The following GRIA3 variants were observed in gnomAD, a reference collection of about 807,000 sequenced individuals.
GRIA3 encodes glutamate ionotropic receptor AMPA type subunit 3, also known as glutamate receptor 3.
A neutral mutation model predicts 63.0 loss-of-function variants in GRIA3; 3 were observed. The observed-to-expected ratio is 0.05, with a 90% CI of 0.02 to 0.12. The LOEUF is 0.12. Among genes scored for constraint, GRIA3 ranks in the 10% least tolerant of loss-of-function variants. The pLI is 1.00. For synonymous variants in GRIA3, 274 were observed against 257.9 expected (o/e 1.06, Z -0.60); for missense variants, 347 against 700.9 (o/e 0.50, Z 5.70).
At chrX:123,300,088 T>G (rs921053458) in intron 3 of GRIA3, among the ~76,000 whole-genome samples, 2 of 111,329 alleles carry the variant, frequency 1.8e-5, no homozygotes, top group African/African-American at 6.5e-5. Flanking sequence ...AACTTGATCA[T>G]GATGGATTAG....
At chrX:123,421,564 C>A (rs936048348) in intron 11 of GRIA3, among the ~76,000 whole-genome samples, 1 of 112,545 alleles carries the variant, frequency 8.9e-6, no homozygotes, top group South Asian at 3.6e-4. Context: ...ATGCATTATA[C>A]ACTCTGACTT....
At chrX:123,338,202 G>A (rs1325538891) in intron 4 of GRIA3, among the ~76,000 whole-genome samples, 2 of 112,283 alleles carry the variant, frequency 1.8e-5, no homozygotes, top group Non-Finnish European at 3.8e-5. Context: ...AATGTTGTCC[G>A]TGTTTCCTTC....
At chrX:123,271,074 T>C (rs2044518543) in intron 3 of GRIA3, among the ~76,000 whole-genome samples, 1 of 112,049 alleles carries the variant, frequency 8.9e-6, no homozygotes. Context: ...CATAATTTCT[T>C]ATAGCTGCTG....
chrX:123,465,904 T>C, intron 13 of GRIA3: 2 of 602,300 alleles, frequency 3.3e-6, no homozygotes, highest in Non-Finnish European at 5.6e-6. Flanking sequence ...ATGACCAGGT[T>C]ATTCCCCTGC....
At chrX:123,229,499 C>T (rs988614946) in intron 2 of GRIA3, among the ~76,000 whole-genome samples, 36 of 111,942 alleles carry the variant, frequency 3.2e-4, no homozygotes, top group African/African-American at 1.1e-3. Flanking sequence ...TTAGGAAATG[C>T]AATGTGCTCG....
chrX:123,323,780 C>T (rs1199169066), intron 3 of GRIA3, among the ~76,000 whole-genome samples: 1 of 112,141 alleles, frequency 8.9e-6, no homozygotes, highest in Non-Finnish European at 1.9e-5. Context: ...AATCTTGATA[C>T]ACGGATGGTG....
intron 3 of GRIA3, among the ~76,000 whole-genome samples, chrX:123,276,068 AC>A (rs1308667163): frequency 1.8e-5 from 2 of 112,124 alleles, no homozygotes; most frequent in Admixed American, 1.9e-4. Context: ...AAAATGACTT[AC>A]CTAGGGTCAC....
At position 123,234,394 on chromosome X, in the gene GRIA3, C is replaced by T. The variant is rs183105773; in HGVS notation, c.269-18909C>T. On this transcript the variant is annotated intron_variant, in intron 2 of 15. Transcript: ENST00000620443. Reference sequence around the variant, plus strand: ...TACCCTGAAAAGATTTGTACTTTCTCTCTTGGAATCCATTTCACAAATGTT... The same window carrying T: ...TACCCTGAAAAGATTTGTACTTTCTTTCTTGGAATCCATTTCACAAATGTT... Among the ~76,000 whole-genome samples the T allele has an allele frequency of 5.4e-5, 6 of 112,126 alleles. No individual in the cohort carries two copies. In the East Asian group the frequency reaches 1.7e-3, roughly 31 times the overall value.
chrX:123,365,738 G>A (rs1319470911), intron 5 of GRIA3, among the ~76,000 whole-genome samples: 1 of 111,489 alleles, frequency 9.0e-6, no homozygotes, highest in Non-Finnish European at 1.9e-5. Flanking sequence ...CTCATACTCC[G>A]TAAGTCTAAA....
intron 3 of GRIA3, among the ~76,000 whole-genome samples, chrX:123,310,666 T>C (rs2044784111): frequency 8.9e-6 from 1 of 112,843 alleles, no homozygotes; most frequent in Admixed American, 9.4e-5. Flanking sequence ...CATATTATCT[T>C]TCCTTTTTTT....
At chrX:123,323,366 G>A (rs1247729887) in intron 3 of GRIA3, among the ~76,000 whole-genome samples, 1 of 109,017 alleles carries the variant, frequency 9.2e-6, no homozygotes, top group Non-Finnish European at 2.0e-5. Flanking sequence ...TATATAGATT[G>A]AGCTGTCTTT....
chrX:123,327,666 G>T (rs964144254), intron 4 of GRIA3, among the ~76,000 whole-genome samples: 1 of 111,036 alleles, frequency 9.0e-6, no homozygotes, highest in Non-Finnish European at 1.9e-5. Context: ...GAGGGAAACT[G>T]CTGACTCTAT....
At chrX:123,388,859 A>G (rs2045368263) in intron 5 of GRIA3, among the ~76,000 whole-genome samples, 1 of 111,833 alleles carries the variant, frequency 8.9e-6, no homozygotes. Flanking sequence ...AGTTATTTCT[A>G]TAAACTTCCC....
chrX:123,442,833 CTTT>C (rs11349023), intron 12 of GRIA3, among the ~76,000 whole-genome samples: 2 of 98,859 alleles, frequency 2.0e-5, no homozygotes, highest in African/African-American at 3.6e-5. Context: ...TTCTGCTTTG[CTTT>C]TTTTTTTTTT....
intron 2 of GRIA3, among the ~76,000 whole-genome samples, chrX:123,211,146 T>C (rs1928032070): frequency 9.0e-6 from 1 of 111,478 alleles, no homozygotes; most frequent in Admixed American, 9.5e-5. Flanking sequence ...CCCTTGTATA[T>C]CTCTGAGAAA....
chrX:123,223,080 G>A (rs894887240), intron 2 of GRIA3, among the ~76,000 whole-genome samples: 2 of 112,478 alleles, frequency 1.8e-5, no homozygotes, highest in Non-Finnish European at 3.8e-5. Context: ...GCTTCCAGGC[G>A]GGAAAGCCCA....
At chrX:123,344,390 G>C (rs5909996) in intron 4 of GRIA3, among the ~76,000 whole-genome samples, 15,960 of 111,255 alleles carry the variant, frequency 0.14, 1,130 homozygotes, top group Non-Finnish European at 0.22. Flanking sequence ...AGTCAGAAGA[G>C]TGAGGGAGGA....
At chrX:123,358,570 C>T (rs948161373) in intron 5 of GRIA3, 4 of 112,268 alleles carry the variant, frequency 3.6e-5, no homozygotes, top group Admixed American at 9.4e-5. Flanking sequence ...AGGAGTACAA[C>T]CCAGAGATGT....
At chrX:123,475,256 T>C (rs1452474216) in intron 13 of GRIA3, among the ~76,000 whole-genome samples, 1 of 112,483 alleles carries the variant, frequency 8.9e-6, no homozygotes, top group East Asian at 2.8e-4. Flanking sequence ...TCAAACATTT[T>C]TTTAGACAAA....
Sources: allele counts gnomAD v4.1 joint callset (sites outside exome capture counted in the v4.1 genomes callset), GRCh38; gene constraint gnomAD v4.1.1; transcripts MANE v1.5; gene names NCBI Gene and HGNC (gene_info 2026-07-23, HGNC 2026-07-21).